The following SAMD4A variants were observed in gnomAD, a reference collection of about 807,000 sequenced individuals.
The protein encoded by SAMD4A is protein Smaug homolog 1.
A neutral mutation model predicts 81.3 loss-of-function variants in SAMD4A; 33 were observed. The ratio of observed to expected loss-of-function variants is 0.41; its 90% CI spans 0.31 to 0.54. The LOEUF (loss-of-function observed/expected upper bound fraction) is 0.54. Ranked by LOEUF, SAMD4A falls within the 20% of genes least tolerant of loss-of-function variation. The pLI is 0.37. For missense variants in SAMD4A, 854 were observed against 951.1 expected (o/e 0.90, Z 1.34); for synonymous variants, 389 against 382.1 (o/e 1.02, Z -0.21).
chr14:54,709,150 G>A (rs1194899283), intron 3 of SAMD4A, among the ~76,000 whole-genome samples: 1 of 151,984 alleles, frequency 6.6e-6, no homozygotes, highest in Admixed American at 6.5e-5. Flanking sequence ...GGTGGTGTGT[G>A]TCTATAGTCC....
chr14:54,764,862 C>T (rs1326671886), intron 8 of SAMD4A, among the ~76,000 whole-genome samples: 1 of 152,168 alleles, frequency 6.6e-6, no homozygotes, highest in East Asian at 1.9e-4. Flanking sequence ...TAGCCCTGGG[C>T]ATTGTCAGGT....
intron 2 of SAMD4A, chr14:54,687,442 A>G (rs764345775): frequency 1.7e-5 from 7 of 420,914 alleles, no homozygotes; most frequent in Non-Finnish European, 2.8e-5. Context: ...TGTGTTTGAA[A>G]TAAAAACAAA....
rs532385969 is a variant in SAMD4A at position 54,750,625 on chromosome 14, C to T, written c.1090-826C>T. Among the ~76,000 whole-genome samples, 25 of 152,274 alleles carry T rather than the reference C, an allele frequency of 1.6e-4. No individual in the cohort carries two copies. In the South Asian group the frequency reaches 4.8e-3, roughly 29 times the overall value. ...TTTCCTTAGAGAAACAAAAGACAAGCTGCAAACTAACAAATTCCCCATGTT... is the reference window on the plus strand; with the variant it reads ...TTTCCTTAGAGAAACAAAAGACAAGTTGCAAACTAACAAATTCCCCATGTT... On this transcript the variant is annotated intron_variant, in intron 5 of 12. Transcript: ENST00000554335.
intron 7 of SAMD4A, among the ~76,000 whole-genome samples, chr14:54,762,284 C>G (rs2038420015): frequency 6.6e-6 from 1 of 152,174 alleles, no homozygotes; most frequent in South Asian, 2.1e-4. Context: ...GTGGCAATGC[C>G]AGCACTTTTC....
chr14:54,729,977 G>T (rs1264662097), intron 3 of SAMD4A, among the ~76,000 whole-genome samples: 1 of 152,116 alleles, frequency 6.6e-6, no homozygotes, highest in Non-Finnish European at 1.5e-5. Flanking sequence ...TTTTCTACTG[G>T]ATGACACCCA....
rs370466576 is a variant in SAMD4A at position 54,764,450 on chromosome 14, T to A, written c.1511-5T>A. On this transcript the variant is annotated splice_region_variant and splice_polypyrimidine_tract_variant and intron_variant, in intron 7 of 12. Transcript: ENST00000554335. The stretch of plus-strand genomic sequence containing the variant: ...TTCTAATTCATCTTTTCTTTTTAAT[T>A]ACAGTGTGCACACAGCTCTTGGTCT... 3.2e-6 allele frequency: 5 copies of A among 1,585,632 alleles called. No individual in the cohort carries two copies. In the African/African-American group the frequency reaches 6.8e-5, roughly 22 times the overall value.
intron 11 of SAMD4A, among the ~76,000 whole-genome samples, chr14:54,778,636 C>G (rs576358394): frequency 2.3e-4 from 35 of 152,272 alleles, no homozygotes; most frequent in African/African-American, 8.2e-4. Flanking sequence ...TAAAATCTCT[C>G]AAGTATTACA....
At chr14:54,691,492 C>A (rs1163762145) in intron 2 of SAMD4A, among the ~76,000 whole-genome samples, 3 of 146,654 alleles carry the variant, frequency 2.0e-5, no homozygotes, top group Admixed American at 7.0e-5. Context: ...TCCTTCCTAC[C>A]TTTTCTTCTT....
rs199761984 is a variant in SAMD4A at position 54,702,054 on chromosome 14, C to G, written c.197-8C>G. 1.5e-5 allele frequency: 24 copies of G among 1,612,946 alleles called. No individual in the cohort carries two copies. The African/African-American group carries it at 3.1e-4, about 21-fold the overall frequency. Reference sequence around the variant, plus strand: ...TTGCTTATTTGCCGTGTATATTTCCCTTTTCAGGAATCATTAACCAATGGC... The same window carrying G: ...TTGCTTATTTGCCGTGTATATTTCCGTTTTCAGGAATCATTAACCAATGGC... On this transcript the variant is annotated splice_region_variant and splice_polypyrimidine_tract_variant and intron_variant, in intron 2 of 12. Transcript: ENST00000554335.
At chr14:54,756,146 C>T (rs907926807) in intron 6 of SAMD4A, among the ~76,000 whole-genome samples, 1 of 152,160 alleles carries the variant, frequency 6.6e-6, no homozygotes, top group African/African-American at 2.4e-5. Flanking sequence ...TGCCTTATAC[C>T]AGTAAGGTGC....
chr14:54,737,216 G>C lies in SAMD4A; in HGVS notation c.908G>C (p.Gly303Ala). Residue 303 changes from glycine to alanine, a missense_variant, in exon 4 of 13, where the codon GGT (glycine) becomes GCT (alanine). Physicochemically the swap from Gly to Ala is moderately conservative, Grantham distance 60. Around this residue, in one of 3 missense-constraint regions of SAMD4A, gnomAD observed 387 missense variants for 405.8 expected, o/e 0.95. Transcript: ENST00000554335. ...AGCAGTGTAGCCTCTTCAGGAAGTGGTGGGAGTGAACACTTAGAAGATCAG... is the reference window on the plus strand; with the variant it reads ...AGCAGTGTAGCCTCTTCAGGAAGTGCTGGGAGTGAACACTTAGAAGATCAG... ...PQSSVASSGS[G>A]GSEHLEDQTT... 6.2e-7 allele frequency: 1 copy of C among 1,614,124 alleles called. No individual in the cohort carries two copies. The highest frequency in any genetic ancestry group is 1.6e-4 in the Middle Eastern group (1 of 6,062).
chr14:54,600,097 A>G (rs1300404493), intron 2 of SAMD4A, among the ~76,000 whole-genome samples: 4 of 152,150 alleles, frequency 2.6e-5, no homozygotes, highest in African/African-American at 9.7e-5. Flanking sequence ...ATCAAATTTC[A>G]GTTTTAGAAT....
At position 54,660,910 on chromosome 14, in the gene SAMD4A, T is replaced by C. The variant is rs1005043194; in HGVS notation, c.197-41152T>C. 3.9e-5 allele frequency among the ~76,000 whole-genome samples: 6 copies of C among 152,232 alleles called. No homozygotes were observed. The East Asian group carries it at 1.2e-3, about 29-fold the overall frequency. ...TGAATTTCTGTGTGTAATCATTGCA[T>C]TGAGAGCTCAGGGAAGCCAGTTAAT... On this transcript the variant is annotated intron_variant, in intron 2 of 12. Coordinates refer to ENST00000554335, the MANE Select transcript of SAMD4A (RefSeq NM_015589.6).
chr14:54,615,262 A>G (rs1418841906), intron 2 of SAMD4A, among the ~76,000 whole-genome samples: 1 of 152,252 alleles, frequency 6.6e-6, no homozygotes, highest in Admixed American at 6.5e-5. Flanking sequence ...TAAAGTAAGT[A>G]GGGCAGATGT....
intron 2 of SAMD4A, among the ~76,000 whole-genome samples, chr14:54,650,063 T>C (rs1234077272): frequency 6.6e-6 from 1 of 152,236 alleles, no homozygotes; most frequent in Non-Finnish European, 1.5e-5. Context: ...GGAATACATA[T>C]TCCAGAGCGT....
intron 2 of SAMD4A, among the ~76,000 whole-genome samples, chr14:54,675,102 G>A (rs1256898029): frequency 3.9e-5 from 6 of 152,042 alleles, no homozygotes; most frequent in African/African-American, 1.2e-4. Flanking sequence ...ATGGTGGCTC[G>A]CGCCTGTAAT....
rs371929813 is a variant in SAMD4A, at chr14:54,754,898, G to A, written c.1176+3361G>A. 115 of 970,928 alleles carry A rather than the reference G, an allele frequency of 1.2e-4. 1 individual carries two copies. In the South Asian group the frequency reaches 3.6e-3, roughly 30 times the overall value. The allele number at this position is 970,928 out of a possible 1,614,324, so 60.1% of individuals were successfully genotyped here. A position where few individuals can be genotyped will look rare whatever the true frequency, so the allele number is the denominator to read the frequency against. On this transcript the variant is annotated intron_variant, in intron 6 of 12. Coordinates refer to ENST00000554335, the MANE Select transcript of SAMD4A (RefSeq NM_015589.6). ...TTGCCCCATCCATTGGAGATTAACC[G>A]TGAGTCATACATGGTTCCTGCAATG...
intron 2 of SAMD4A, among the ~76,000 whole-genome samples, chr14:54,626,373 T>C (rs1156349199): frequency 6.6e-6 from 1 of 152,206 alleles, no homozygotes; most frequent in Non-Finnish European, 1.5e-5. Context: ...GCTGTGAACA[T>C]GGAGTAAGAA....
At chr14:54,736,869 C>A (rs143494356) in intron 3 of SAMD4A, among the ~76,000 whole-genome samples, 155 bp from the exon 4 acceptor site, 4 of 152,236 alleles carry the variant, frequency 2.6e-5, no homozygotes, top group African/African-American at 9.6e-5. Flanking sequence ...CTGAAGAAAA[C>A]GACCATGCCA....
Sources: gnomAD v4.1 joint callset for allele counts (sites outside exome capture counted in the v4.1 genomes callset) on GRCh38, gnomAD v4.1.1 for gene constraint, gnomAD v4.1.1 regional missense constraint, MANE v1.5 for transcripts, NCBI Gene and HGNC (gene_info 2026-07-23, HGNC 2026-07-21) for gene names.